The following MBD4 variants were observed in gnomAD, a reference collection of about 807,000 sequenced individuals.
MBD4 encodes methyl-CpG-binding domain protein 4.
A neutral mutation model predicts 60.2 loss-of-function variants in MBD4; 53 were observed. The ratio of observed to expected loss-of-function variants is 0.88; its 90% confidence interval spans 0.71 to 1.11. MBD4 has a LOEUF of 1.11. MBD4 is among the 50% of genes least tolerant of loss of function. The pLI is 0.00. For synonymous variants in MBD4, 231 were observed against 229.8 expected, an observed-to-expected ratio of 1.01 and a Z score of -0.05; for missense variants, 619 against 674.0, an observed-to-expected ratio of 0.92 and a Z score of 0.90.
Position 129,433,150 on chromosome 3 carries a change from A to C in MBD4, c.1491T>G (p.Leu497=). ...TADWRDVSEL[L]KPLGLYDLRA... ...GAAGATCGTAGAGACCAAGAGGTTT[A>C]AGAAGTTCTGACACATCTCTCCAGT... is the stretch of plus-strand genomic sequence containing the variant. The change falls in exon 6 of 8, where the codon CTT becomes CTG. Residue 497 remains leucine, a synonymous_variant. Coordinates refer to ENST00000429544, the MANE Select transcript of MBD4 (RefSeq NM_001276270.2). 1 of 1,614,240 alleles carries C rather than the reference A, an allele frequency of 6.2e-7. No homozygotes were observed. Among genetic ancestry groups the C allele is most frequent in the Non-Finnish European group, 8.5e-7 (1 of 1,180,032 alleles).
intron 3 of MBD4, 85 bp from the exon 4 acceptor site, chr3:129,434,221 A>G (rs1157491082): frequency 6.8e-6 from 7 of 1,026,616 alleles, no homozygotes; most frequent in Non-Finnish European, 1.1e-5. Flanking sequence ...TATCAACACT[A>G]TTACAAAGCA....
At position 129,437,966 on chromosome 3, in the gene MBD4, C is replaced by T. The variant is rs377434029; in HGVS notation, c.105-16G>A. On this transcript the variant is annotated splice_polypyrimidine_tract_variant and intron_variant, in intron 1 of 7. Coordinates refer to ENST00000429544, the MANE Select transcript of MBD4 (RefSeq NM_001276270.2). ...ATCTTCTTTGCTGGAAAAACAAAGTCTAAGTGATTAACTTATTTAAAATTT... is the reference window on the plus strand; with the variant it reads ...ATCTTCTTTGCTGGAAAAACAAAGTTTAAGTGATTAACTTATTTAAAATTT... 18 of 1,465,730 alleles carry T rather than the reference C, an allele frequency of 1.2e-5. No homozygotes were observed. The highest frequency in any genetic ancestry group is 2.8e-5 in the African/African-American group (2 of 72,002). 90.8% of individuals were successfully genotyped at this position (1,465,730 alleles called of 1,614,324 possible). A position where few individuals can be genotyped will look rare whatever the true frequency, so the allele number is the denominator to read the frequency against.
Position 129,436,744 on chromosome 3 carries a change from G to A in MBD4, c.900C>T (p.Leu300=), listed in dbSNP as rs1291655651. 2 of 1,613,686 alleles carry A rather than the reference G, an allele frequency of 1.2e-6. No homozygotes were observed. The highest frequency in any genetic ancestry group is 1.3e-5 in the African/African-American group (1 of 74,822). ...GGCTGTTTTCTTCACTGGTCACACT[G>A]AGGGTCTCACCACATGCTCCAGCAT... The part of the protein sequence containing the change: ...ISDAGACGET[L]SVTSEENSLV... The change falls in exon 3 of 8, where the codon CTC becomes CTT. Residue 300 remains leucine, a synonymous_variant. Coordinates refer to ENST00000429544, the MANE Select transcript of MBD4 (RefSeq NM_001276270.2).
chr3:129,439,532 G>C (rs2072663540), intron 1 of MBD4, among the ~76,000 whole-genome samples, 198 bp downstream of exon 1: 1 of 152,148 alleles, frequency 6.6e-6, no homozygotes, highest in Non-Finnish European at 1.5e-5. Flanking sequence ...AGTCATCTTA[G>C]ATGAGGAAGT....
chr3:129,432,743 A>G (rs1577060292), intron 6 of MBD4, 137 bp from the exon 7 acceptor site: 3 of 837,730 alleles, frequency 3.6e-6, no homozygotes, highest in Admixed American at 3.8e-5. Context: ...AGTTGTGATT[A>G]CTCTTCCTTC....
At position 129,437,054 on chromosome 3, in the gene MBD4, T is replaced by C; in HGVS notation, c.590A>G (p.Glu197Gly). 1 of 1,614,212 alleles carries C rather than the reference T, an allele frequency of 6.2e-7. No individual in the cohort carries two copies. Residue 197 changes from glutamate to glycine, a missense_variant, in exon 3 of 8, where the codon GAG becomes GGG. By Grantham distance (98) the Glu-to-Gly change is moderately conservative. Coordinates refer to ENST00000429544, the MANE Select transcript of MBD4 (RefSeq NM_001276270.2). Reference protein sequence around the residue: ...DVFMPPSSSSELQESRGLSNF... With the variant: ...DVFMPPSSSSGLQESRGLSNF... ...AGAGAGTCCTCTGCTCTCCTGCAAC[T>C]CTGAACTACTACTTGGCGGCATAAA...
chr3:129,431,547 T>C lies in MBD4; in HGVS notation c.1679A>G (p.Tyr560Cys). The C allele has an allele frequency of 6.2e-7, 1 of 1,613,368 alleles. No homozygotes were observed. Among genetic ancestry groups the C allele is most frequent in the Non-Finnish European group, 8.5e-7 (1 of 1,179,902 alleles). Residue 560 changes from tyrosine (Y) to cysteine (C), a missense_variant, in exon 8 of 8, where the codon TAT becomes TGT. By Grantham distance (194) the Tyr-to-Cys change is radical (BLOSUM62 -2). Transcript: ENST00000429544. ...VHPEDHKLNK[Y>C]HDWLWENHEK... ...ATGATTTTCCCAAAGCCAGTCATGATATTTATTTAATTTGTGGTCTTCAGG... is the reference window on the plus strand; with the variant it reads ...ATGATTTTCCCAAAGCCAGTCATGACATTTATTTAATTTGTGGTCTTCAGG...
chr3:129,433,985 C>A lies in MBD4; in HGVS notation c.1259-1G>T. 1 of 1,614,086 alleles carries A rather than the reference C, an allele frequency of 6.2e-7. No homozygotes were observed. Among genetic ancestry groups the A allele is most frequent in the South Asian group, 1.1e-5 (1 of 91,090 alleles). On this transcript the variant is annotated splice_acceptor_variant, in intron 4 of 7. Transcript: ENST00000429544. LOFTEE classifies it high-confidence loss of function. Reference sequence around the variant, plus strand: ...GCTTTACGTCGTGGGGGGCTAAGAGCTAAACAAACATAGTGCATCAGAATT... The same window carrying A: ...GCTTTACGTCGTGGGGGGCTAAGAGATAAACAAACATAGTGCATCAGAATT...
Position 129,439,646 on chromosome 3 carries a change from T to C in MBD4, c.104+84A>G, listed in dbSNP as rs2072680027. 1.4e-5 allele frequency: 13 copies of C among 912,802 alleles called. No individual in the cohort carries two copies. The South Asian group carries it at 1.7e-4, about 12-fold the overall frequency. The allele number at this position is 912,802 out of a possible 1,614,324, so 56.5% of individuals were successfully genotyped here. On this transcript the variant is annotated intron_variant, in intron 1 of 7. Coordinates refer to ENST00000429544, the MANE Select transcript of MBD4 (RefSeq NM_001276270.2). ...GTTTCTGCCGACCCTCTGTCAAAGG[T>C]TAGAAAGGCCCACACACTGTCCACT...
In MBD4 at chr3:129,437,908, A is replaced by G. The variant is rs1052155537; in HGVS notation, c.147T>C (p.Asp49=). ...VAMELERVGE[D]EEQMMIKRSS... is the part of the protein sequence containing the mutation. ...TTCTTTTTATCATCATTTGTTCCTC[A>G]TCTTCTCCCACTCTTTCCAATTCCA... The change falls in exon 2 of 8, where the codon GAT becomes GAC. Residue 49 remains aspartate, a synonymous_variant. Transcript: ENST00000429544. 16 of 1,613,696 alleles carry G rather than the reference A, an allele frequency of 9.9e-6. No homozygotes were observed. The highest frequency in any genetic ancestry group is 1.4e-5 in the Non-Finnish European group (16 of 1,179,738).
intron 1 of MBD4, among the ~76,000 whole-genome samples, chr3:129,439,512 C>A (rs908295120): frequency 2.0e-5 from 3 of 152,286 alleles, no homozygotes; most frequent in East Asian, 3.9e-4. Flanking sequence ...GGCTCCCCCC[C>A]AGTCTCCCTA....
In MBD4 at chr3:129,432,601, A is replaced by G. The variant is rs754812198; in HGVS notation, c.1549T>C (p.Tyr517His). The part of the protein sequence containing the change: ...AKTIVKFSDE[Y>H]LTKQWKYPIE... ...GGATACTTCCACTGCTTTGTCAGGT[A>G]TTCATCTGAAGAATACAACATCCCA... Residue 517 changes from tyrosine (Y) to histidine (H), a missense_variant, in exon 7 of 8, where the codon TAC becomes CAC. Physicochemically the swap from Tyr to His is moderately conservative, Grantham distance 83 (BLOSUM62 2). Coordinates refer to ENST00000429544, the MANE Select transcript of MBD4 (RefSeq NM_001276270.2). 1 of 1,614,132 alleles carries G rather than the reference A, an allele frequency of 6.2e-7. No individual in the cohort carries two copies. Among genetic ancestry groups the G allele is most frequent in the Non-Finnish European group, 8.5e-7 (1 of 1,179,978 alleles).
chr3:129,433,167 C>G lies in MBD4; in HGVS notation c.1474G>C (p.Asp492His). Reference sequence around the variant, plus strand: ...AGAGGTTTAAGAAGTTCTGACACATCTCTCCAGTCTGCGGTTCTTGCTACC... The same window carrying G: ...AGAGGTTTAAGAAGTTCTGACACATGTCTCCAGTCTGCGGTTCTTGCTACC... Reference protein sequence around the residue: ...AEVARTADWRDVSELLKPLGL... With the variant: ...AEVARTADWRHVSELLKPLGL... Residue 492 changes from aspartate (D) to histidine (H), a missense_variant, in exon 6 of 8, where the codon GAT becomes CAT. Asp to His is a moderately conservative substitution (Grantham distance 81). Coordinates refer to ENST00000429544, the MANE Select transcript of MBD4 (RefSeq NM_001276270.2). 1 of 1,614,184 alleles carries G rather than the reference C, an allele frequency of 6.2e-7. No individual in the cohort carries two copies. Among genetic ancestry groups the G allele is most frequent in the Non-Finnish European group, 8.5e-7 (1 of 1,180,012 alleles).
Position 129,436,704 on chromosome 3 carries a change from CT to C in MBD4, c.939del (p.Glu314LysfsTer4), listed in dbSNP as rs558765093. 5.6e-4 allele frequency: 802 copies of C among 1,440,428 alleles called. No individual in the cohort carries two copies. Among genetic ancestry groups the C allele is most frequent in the South Asian group, 2.3e-3 (184 of 80,460 alleles). The allele number at this position is 1,440,428 out of a possible 1,614,324, so 89.2% of individuals were successfully genotyped here. On this transcript the variant is annotated frameshift_variant, in exon 3 of 8. Transcript: ENST00000429544. LOFTEE classifies it high-confidence loss of function. The part of the protein sequence containing the change: ...TSEENSLVKK[K>X]ERSLSSGSNF... ...TTTGATCCTGAACTCAATGATCTTT[CT>C]TTTTTTTTTACAAGGCTGTTTTCTT...
chr3:129,439,477 G>A (rs1002107477), intron 1 of MBD4, among the ~76,000 whole-genome samples: 5 of 152,002 alleles, frequency 3.3e-5, no homozygotes, highest in African/African-American at 1.2e-4. Context: ...CCAACCCCAA[G>A]GGGACCTCTT....
chr3:129,438,772 C>CA (rs149611043), intron 1 of MBD4, among the ~76,000 whole-genome samples: 2,510 of 148,768 alleles, frequency 0.017, 31 homozygotes, highest in Non-Finnish European at 0.024. Flanking sequence ...CCCAAAAAAA[C>CA]AAAAAAAAAC....
chr3:129,433,717 G>T, intron 5 of MBD4, 133 bp downstream of exon 5: 1 of 1,013,222 alleles, frequency 9.9e-7, no homozygotes, highest in Non-Finnish European at 1.5e-6. Context: ...TAGGTGAAGA[G>T]TTTAAGGGTG....
chr3:129,432,962 C>T (rs1459930158), intron 6 of MBD4, 136 bp downstream of exon 6: 2 of 1,191,898 alleles, frequency 1.7e-6, no homozygotes, highest in Non-Finnish European at 2.4e-6. Context: ...GGAAAGTGGA[C>T]TTTTTTAAAT....
Position 129,437,116 on chromosome 3 carries a change from C to T in MBD4, c.528G>A (p.Trp176Ter). 6.2e-7 allele frequency: 1 copy of T among 1,613,964 alleles called. No homozygotes were observed. ...TGCACTTGCTTCGGGTCCTGAGGTT[C>T]CAGTTTGAATTGTTACTTTGGTTTT... ...HLQNQSNNSN[W>*]NLRTRSKCKK... The change falls in exon 3 of 8, where the codon TGG (tryptophan) becomes TGA (stop). Residue 176 changes from tryptophan to a stop codon, truncating the protein, a stop_gained. Coordinates refer to ENST00000429544, the MANE Select transcript of MBD4 (RefSeq NM_001276270.2). LOFTEE classifies it high-confidence loss of function.
Sources: gnomAD v4.1 joint callset for allele counts (sites outside exome capture counted in the v4.1 genomes callset) on GRCh38, gnomAD v4.1.1 for gene constraint, MANE v1.5 for transcripts, NCBI Gene and HGNC (gene_info 2026-07-23, HGNC 2026-07-21) for gene names.